Variants in EVA1C observed in about 807,000 individuals in gnomAD.
EVA1C encodes protein eva-1 homolog C.
A neutral mutation model predicts 45.4 loss-of-function variants in EVA1C; 25 were observed. The observed-to-expected ratio is 0.55, with a 90% confidence interval of 0.40 to 0.77. The LOEUF (loss-of-function observed/expected upper bound fraction) is 0.77, where lower values mean the gene tolerates loss of function less well. EVA1C is among the 30% of genes least tolerant of loss of function. The pLI is 0.00. For synonymous variants in EVA1C, 190 were observed against 221.2 expected (o/e 0.86, Z 1.25); for missense variants, 479 against 554.8 (o/e 0.86, Z 1.37).
chr21:32,446,203 A>G (rs1358689151), intron 1 of EVA1C, among the ~76,000 whole-genome samples: 4 of 151,824 alleles, frequency 2.6e-5, no homozygotes, highest in Admixed American at 1.3e-4. Flanking sequence ...AGATTGTGCC[A>G]TTGCACTCCA....
chr21:32,425,334 C>CAAAA (rs60224656), intron 1 of EVA1C, among the ~76,000 whole-genome samples: 17,416 of 57,502 alleles, frequency 0.3, 2,372 homozygotes, highest in Non-Finnish European at 0.37. Context: ...GACTCCATCT[C>CAAAA]AAAAAAAAAA....
intron 2 of EVA1C, among the ~76,000 whole-genome samples, chr21:32,455,519 G>A (rs1045077403): frequency 6.6e-6 from 1 of 151,954 alleles, no homozygotes; most frequent in Non-Finnish European, 1.5e-5. Flanking sequence ...GCCACCCCAG[G>A]AGCTACATCC....
intron 4 of EVA1C, among the ~76,000 whole-genome samples, chr21:32,475,903 C>A (rs60539312): frequency 6.3e-5 from 5 of 79,608 alleles, no homozygotes; most frequent in Admixed American, 1.5e-4. Context: ...ATCTATCTAT[C>A]TATCTATCTA....
chr21:32,424,331 C>T (rs2034406399), intron 1 of EVA1C, among the ~76,000 whole-genome samples: 1 of 152,136 alleles, frequency 6.6e-6, no homozygotes, highest in Non-Finnish European at 1.5e-5. Context: ...AGCTCCTTTT[C>T]CCTCCCTGCC....
intron 7 of EVA1C, 107 bp downstream of exon 7, chr21:32,504,122 TTCAAG>T (rs2037647594): frequency 2.6e-6 from 2 of 782,730 alleles, no homozygotes; most frequent in South Asian, 3.4e-5. Context: ...GGACGATGAC[TTCAAG>T]TTTAACATGC....
intron 2 of EVA1C, among the ~76,000 whole-genome samples, chr21:32,455,232 G>A (rs1384585147): frequency 6.6e-6 from 1 of 152,004 alleles, no homozygotes; most frequent in Non-Finnish European, 1.5e-5. Flanking sequence ...AGAATGGAAG[G>A]GGCAAGAGAA....
intron 3 of EVA1C, among the ~76,000 whole-genome samples, chr21:32,466,142 C>T (rs999600340): frequency 7.9e-5 from 12 of 152,120 alleles, no homozygotes; most frequent in African/African-American, 1.7e-4. Flanking sequence ...AATCATTGGC[C>T]GGGCGCTTTG....
chr21:32,425,628 C>G (rs778727384), intron 1 of EVA1C, among the ~76,000 whole-genome samples: 7 of 152,130 alleles, frequency 4.6e-5, no homozygotes, highest in Non-Finnish European at 1.0e-4. Flanking sequence ...CAACATTTGC[C>G]AAAAATGCTA....
chr21:32,462,573 TAAACTGGCCCCA>T (rs1043235098), intron 3 of EVA1C, among the ~76,000 whole-genome samples: 12 of 152,156 alleles, frequency 7.9e-5, no homozygotes, highest in Non-Finnish European at 1.6e-4. Flanking sequence ...AATCTGGCCA[TAAACTGGCCCCA>T]AAACTGGCCA....
intron 7 of EVA1C, among the ~76,000 whole-genome samples, chr21:32,508,896 A>G (rs1359601943): frequency 1.3e-5 from 2 of 152,234 alleles, no homozygotes; most frequent in African/African-American, 4.8e-5. Context: ...TGATCAAATT[A>G]AAGTCATTCA....
At chr21:32,427,877 A>G (rs1188484122) in intron 1 of EVA1C, among the ~76,000 whole-genome samples, 2 of 134,342 alleles carry the variant, frequency 1.5e-5, no homozygotes, top group East Asian at 4.3e-4. Flanking sequence ...AAAAAAAAAA[A>G]GAAAGGCAGG....
chr21:32,492,348 G>T (rs1299673298), intron 4 of EVA1C, among the ~76,000 whole-genome samples: 1 of 152,094 alleles, frequency 6.6e-6, no homozygotes, highest in East Asian at 1.9e-4. Flanking sequence ...TGGGACAGGG[G>T]CATATTGAGG....
intron 1 of EVA1C, among the ~76,000 whole-genome samples, chr21:32,420,687 C>T (rs1422869132): frequency 6.6e-6 from 1 of 152,308 alleles, no homozygotes; most frequent in East Asian, 1.9e-4. Context: ...AGCCACTGTG[C>T]CTGGCCCTAA....
intron 1 of EVA1C, among the ~76,000 whole-genome samples, chr21:32,430,972 C>CAAA (rs1038641892): frequency 2.9e-5 from 3 of 103,118 alleles, no homozygotes; most frequent in Admixed American, 1.0e-4. Context: ...GACTTGGTCT[C>CAAA]AAAAAAAAAA....
chr21:32,423,524 G>A (rs1428997000), intron 1 of EVA1C, among the ~76,000 whole-genome samples: 1 of 151,980 alleles, frequency 6.6e-6, no homozygotes, highest in East Asian at 1.9e-4. Context: ...CGATTTGGCA[G>A]GTCACATTCT....
At chr21:32,491,698 A>AGC (rs938495470) in intron 4 of EVA1C, among the ~76,000 whole-genome samples, 1 of 150,904 alleles carries the variant, frequency 6.6e-6, no homozygotes, top group African/African-American at 2.4e-5. Flanking sequence ...AAAAAAAAAA[A>AGC]AAAAAAAAGC....
intron 1 of EVA1C, among the ~76,000 whole-genome samples, chr21:32,444,053 A>AAC (rs60086580): frequency 0.076 from 10,581 of 139,924 alleles, 417 homozygotes; most frequent in South Asian, 0.14. Flanking sequence ...ATTGTGTGAA[A>AAC]ACACACACAC....
At position 32,424,573 on chromosome 21, in the gene EVA1C, C is replaced by A. The variant is rs2034415028; in HGVS notation, c.160+11560C>A. ...AAACACTTCATTCTATTATCTGAAACCTGAATGCCAGAACGCTCCTTCCAA... is the reference window on the plus strand; with the variant it reads ...AAACACTTCATTCTATTATCTGAAAACTGAATGCCAGAACGCTCCTTCCAA... On this transcript the variant is annotated intron_variant, in intron 1 of 7. Coordinates refer to ENST00000300255, the MANE Select transcript of EVA1C (RefSeq NM_058187.5). Among the ~76,000 whole-genome samples the A allele has an allele frequency of 2.0e-5, 3 of 152,110 alleles. No individual in the cohort carries two copies. The South Asian group carries it at 6.2e-4, about 32-fold the overall frequency.
rs980485818 is a variant in EVA1C at position 32,452,121 on chromosome 21, G to A, written c.161-1191G>A. On this transcript the variant is annotated intron_variant, in intron 1 of 7. Coordinates refer to ENST00000300255, the MANE Select transcript of EVA1C (RefSeq NM_058187.5). This position sits in a 1 kb window ranked among gnomAD's most constrained non-coding sequence, Gnocchi z 4.0. ...AGGCATGGCCTCACTAGTGGGAGAT[G>A]AGCAAATGAAAGCCTCCCTCAGGAT... is the stretch of plus-strand genomic sequence containing the variant. 1.3e-5 allele frequency: 2 copies of A among 152,234 alleles called. No individual in the cohort carries two copies. Among genetic ancestry groups the A allele is most frequent in the African/African-American group, 2.4e-5 (1 of 41,470 alleles). 9.4% of individuals were successfully genotyped at this position (152,234 alleles called of 1,614,324 possible). A position where few individuals can be genotyped will look rare whatever the true frequency, so the allele number is the denominator to read the frequency against.
Sources: gnomAD v4.1 joint callset for allele counts (sites outside exome capture counted in the v4.1 genomes callset) on GRCh38, gnomAD v4.1.1 for gene constraint, Gnocchi (gnomAD v3.1) non-coding constraint, MANE v1.5 for transcripts, NCBI Gene and HGNC (gene_info 2026-07-23, HGNC 2026-07-21) for gene names.